The following CCDC192 variants were observed in gnomAD, a reference collection of about 807,000 sequenced individuals.
CCDC192 encodes the protein coiled-coil domain-containing protein 192.
At chr5:127,794,419 C>A (rs1178675378) in intron 3 of CCDC192, among the ~76,000 whole-genome samples, 1 of 152,072 alleles carries the variant, frequency 6.6e-6, no homozygotes, top group Non-Finnish European at 1.5e-5. Flanking sequence ...ATAGAATGAA[C>A]CTTCAGGATG....
chr5:127,929,276 T>G (rs1451126788), intron 6 of CCDC192, among the ~76,000 whole-genome samples: 2 of 152,210 alleles, frequency 1.3e-5, no homozygotes, highest in African/African-American at 4.8e-5. Flanking sequence ...TATGCACACA[T>G]TTTTAAGCTC....
chr5:127,754,086 A>C (rs1754417437), intron 2 of CCDC192, among the ~76,000 whole-genome samples, 182 bp from the exon 3 acceptor site: 1 of 152,210 alleles, frequency 6.6e-6, no homozygotes, highest in Non-Finnish European at 1.5e-5. Flanking sequence ...ATTTTAAATG[A>C]AACTATTGTT....
At chr5:127,904,579 T>G (rs927527580) in intron 6 of CCDC192, among the ~76,000 whole-genome samples, 6 of 147,628 alleles carry the variant, frequency 4.1e-5, no homozygotes, top group African/African-American at 1.5e-4. Context: ...CTCGGCTCAC[T>G]GCAGCCTCCA....
chr5:127,809,652 T>C (rs1364623340), intron 5 of CCDC192, among the ~76,000 whole-genome samples: 2 of 152,218 alleles, frequency 1.3e-5, no homozygotes, highest in African/African-American at 4.8e-5. Flanking sequence ...TCTTTCCTTA[T>C]TGTAATTCTA....
At chr5:127,853,807 A>C (rs1750921185) in intron 5 of CCDC192, among the ~76,000 whole-genome samples, 1 of 151,754 alleles carries the variant, frequency 6.6e-6, no homozygotes, top group South Asian at 2.1e-4. Context: ...AAAAACAAAC[A>C]AAAAAAACAT....
rs1561444969 is a variant in CCDC192, at chr5:127,719,536, TATATATATATATATATATATATACAC to T, written c.114+11778_114+11803del. ...ATATATATATATATACACACATACA[TATATATATATATATATATATATACAC>T]ACATACATATATATATATACCAAGC... On this transcript the variant is annotated intron_variant, in intron 2 of 6. Coordinates refer to ENST00000514853, the MANE Select transcript of CCDC192 (RefSeq NM_001317938.2). Among the ~76,000 whole-genome samples, 233 of 29,636 alleles carry T rather than the reference TATATATATATATATATATATATACAC, an allele frequency of 7.9e-3. 9 individuals are homozygous for T. Among genetic ancestry groups the T allele is most frequent in the African/African-American group, 0.026 (198 of 7,582 alleles). The allele number at this position is 29,636 out of a possible 152,430, so 19.4% of individuals were successfully genotyped here.
At chr5:127,753,085 G>C (rs531507097) in intron 2 of CCDC192, among the ~76,000 whole-genome samples, 132 of 152,190 alleles carry the variant, frequency 8.7e-4, no homozygotes, top group Non-Finnish European at 1.2e-3. Flanking sequence ...GCGTCGCTCA[G>C]GCTGGGAGCT....
At chr5:127,886,483 C>A (rs1206139867) in intron 6 of CCDC192, among the ~76,000 whole-genome samples, 1 of 152,134 alleles carries the variant, frequency 6.6e-6, no homozygotes, top group Non-Finnish European at 1.5e-5. Flanking sequence ...ACAAGACCAC[C>A]CCTCCTCTTC....
chr5:127,752,146 C>A (rs1021175729), intron 2 of CCDC192, among the ~76,000 whole-genome samples: 1 of 152,172 alleles, frequency 6.6e-6, no homozygotes, highest in African/African-American at 2.4e-5. Context: ...AGCTTTGTTC[C>A]GTTGCTGGTG....
chr5:127,838,726 G>A (rs1750144561), intron 5 of CCDC192: 1 of 152,194 alleles, frequency 6.6e-6, no homozygotes, highest in Admixed American at 6.5e-5. Flanking sequence ...AAGATCAAGA[G>A]CGCTAAAAAT....
chr5:127,923,356 A>G lies in CCDC192; in HGVS notation c.536-17826A>G, dbSNP rs555116998. On this transcript the variant is annotated intron_variant, in intron 6 of 6. Coordinates refer to ENST00000514853, the MANE Select transcript of CCDC192 (RefSeq NM_001317938.2). ...TTAGGGGTCCTCCCTCACCCATTTC[A>G]GAATGCTAATTTTCATTAGTCTTTT... is the stretch of plus-strand genomic sequence containing the variant. 1.0e-3 allele frequency among the ~76,000 whole-genome samples: 153 copies of G among 151,816 alleles called. 1 individual carries two copies. The highest frequency in any genetic ancestry group is 6.8e-3 in the Middle Eastern group (2 of 294).
chr5:127,752,230 C>G (rs1371118716), intron 2 of CCDC192, among the ~76,000 whole-genome samples: 2 of 152,162 alleles, frequency 1.3e-5, no homozygotes, highest in African/African-American at 4.8e-5. Flanking sequence ...TGTTTTTTCC[C>G]CATCTTTGTG....
chr5:127,825,646 C>G (rs1413431830), intron 5 of CCDC192, among the ~76,000 whole-genome samples: 1 of 152,218 alleles, frequency 6.6e-6, no homozygotes, highest in African/African-American at 2.4e-5. Context: ...CAAACATATA[C>G]ATTCTTCCTT....
intron 5 of CCDC192, among the ~76,000 whole-genome samples, chr5:127,804,147 T>A (rs1038254101): frequency 1.2e-4 from 19 of 152,226 alleles, no homozygotes; most frequent in African/African-American, 3.9e-4. Flanking sequence ...GACTGCTCCC[T>A]CCTAGAATTC....
chr5:127,817,528 G>A (rs997406901), intron 5 of CCDC192, among the ~76,000 whole-genome samples: 2 of 152,138 alleles, frequency 1.3e-5, no homozygotes, highest in Admixed American at 6.6e-5. Context: ...AGTGAAAGAA[G>A]CCAAAAACAA....
intron 2 of CCDC192, among the ~76,000 whole-genome samples, chr5:127,732,664 T>C (rs1024936883): frequency 6.6e-6 from 1 of 152,120 alleles, no homozygotes; most frequent in Non-Finnish European, 1.5e-5. Context: ...TATGCAGTCA[T>C]AAAAAGGAAT....
rs148102135 is a variant in CCDC192 at position 127,791,445 on chromosome 5, T to C, written c.223-5658T>C. On this transcript the variant is annotated intron_variant, in intron 3 of 6. Coordinates refer to ENST00000514853, the MANE Select transcript of CCDC192 (RefSeq NM_001317938.2). ...TGACAAAATAAGAAGTTCTAGGAAC[T>C]GGTCCTGTCACAAAAATAACTACTG... Among the ~76,000 whole-genome samples the C allele has an allele frequency of 2.4e-3, 365 of 152,356 alleles. No homozygotes were observed. The Middle Eastern group carries it at 0.031, about 13-fold the overall frequency.
intron 2 of CCDC192, among the ~76,000 whole-genome samples, chr5:127,742,859 T>C (rs1753501475): frequency 2.0e-5 from 3 of 152,184 alleles, no homozygotes; most frequent in Admixed American, 6.5e-5. Flanking sequence ...GTTTGCCTTG[T>C]CCTTTTGTTG....
intron 2 of CCDC192, among the ~76,000 whole-genome samples, chr5:127,732,556 C>T (rs1263890211): frequency 2.0e-5 from 3 of 152,114 alleles, no homozygotes; most frequent in Non-Finnish European, 2.9e-5. Flanking sequence ...ATGTTCATTG[C>T]AGCACTATTC....
Sources: allele counts gnomAD v4.1 joint callset (sites outside exome capture counted in the v4.1 genomes callset), GRCh38; gene constraint gnomAD v4.1.1; transcripts MANE v1.5; gene names NCBI Gene and HGNC (gene_info 2026-07-23, HGNC 2026-07-21).